Variants in KRI1 observed in about 807,000 individuals in gnomAD.
KRI1 encodes protein KRI1 homolog.
A neutral mutation model predicts 97.0 loss-of-function variants in KRI1; 83 were observed. The observed-to-expected ratio is 0.86, with a 90% CI of 0.72 to 1.03. KRI1 has a LOEUF of 1.03. Ranked by LOEUF, KRI1 falls within the 50% of genes least tolerant of loss-of-function variation. The pLI is 0.00. For missense variants in KRI1, 916 were observed against 928.4 expected (o/e 0.99, Z 0.17); for synonymous variants, 371 against 363.5 (o/e 1.02, Z -0.23).
chr19:10,563,247 G>A (rs1166576011), intron 3 of KRI1, among the ~76,000 whole-genome samples: 1 of 151,520 alleles, frequency 6.6e-6, no homozygotes, highest in South Asian at 2.1e-4. Context: ...GTAGAGATGG[G>A]GTTTCTCCAT....
chr19:10,554,400 A>AC, intron 18 of KRI1, 119 bp from the exon 19 acceptor site: 1 of 839,412 alleles, frequency 1.2e-6, no homozygotes, highest in Non-Finnish European at 1.9e-6. Flanking sequence ...CCGCACAGCG[A>AC]CCGAGGGCCT....
Position 10,561,061 on chromosome 19 carries a change from T to A in KRI1, c.605A>T (p.Tyr202Phe), listed in dbSNP as rs748831365. ...RQEKAQEEAD[Y>F]IEWLKGQKEI... ...TTTCTGTCCCTTCAGCCACTCGATGTAGTCGGCCTCCTCCTGGGCCTGGGG... is the reference window on the plus strand; with the variant it reads ...TTTCTGTCCCTTCAGCCACTCGATGAAGTCGGCCTCCTCCTGGGCCTGGGG... The change falls in exon 8 of 19, where the codon TAC becomes TTC. Residue 202 changes from tyrosine (Y) to phenylalanine (F), a missense_variant. This residue lies in a region of KRI1 where 672 missense variants were observed against 667.2 expected (regional missense o/e 1.01). Coordinates refer to ENST00000312962, the MANE Select transcript of KRI1 (RefSeq NM_023008.5). 1 of 1,614,158 alleles carries A rather than the reference T, an allele frequency of 6.2e-7. No homozygotes were observed. The highest frequency in any genetic ancestry group is 8.5e-7 in the Non-Finnish European group (1 of 1,180,012).
At chr19:10,565,500 A>G in intron 2 of KRI1, 1 of 568,020 alleles carries the variant, frequency 1.8e-6, no homozygotes, top group Non-Finnish European at 3.0e-6. Context: ...CAGAGTGGGC[A>G]GGTGGGGATC....
Position 10,561,695 on chromosome 19 carries a change from C to T in KRI1, c.460G>A (p.Val154Met), listed in dbSNP as rs746775131. Residue 154 changes from valine to methionine, a missense_variant, in exon 6 of 19, where the codon GTG becomes ATG. By Grantham distance (21) the Val-to-Met change is conservative. This residue lies in a region of KRI1 where 71 missense variants were observed against 108.1 expected (regional missense o/e 0.66). Coordinates refer to ENST00000312962, the MANE Select transcript of KRI1 (RefSeq NM_023008.5). Reference protein sequence around the residue: ...RLQETSSQSYVEEQKQLKESF... With the variant: ...RLQETSSQSYMEEQKQLKESF... ...TCCTTGAGCTGTTTCTGTTCCTCCA[C>T]ATAACTTTGCGACGATGTCTCCTGC... 2.5e-6 allele frequency: 4 copies of T among 1,614,078 alleles called. No homozygotes were observed. Among genetic ancestry groups the T allele is most frequent in the Non-Finnish European group, 3.4e-6 (4 of 1,180,004 alleles).
chr19:10,561,824 G>A lies in KRI1; in HGVS notation c.405C>T (p.Asn135=). The change falls in exon 5 of 19, where the codon AAC becomes AAT. Residue 135 remains asparagine (N), a synonymous_variant. Coordinates refer to ENST00000312962, the MANE Select transcript of KRI1 (RefSeq NM_023008.5). ...EKAGKYVDEE[N]SDGETSNHRL... ...TGTGATTGGAAGTCTCCCCGTCTGA[G>A]TTCTCCTCATCAACATATTTGCTGT... 6.2e-7 allele frequency: 1 copy of A among 1,613,886 alleles called. No individual in the cohort carries two copies. The highest frequency in any genetic ancestry group is 1.7e-5 in the Admixed American group (1 of 59,994).
Position 10,553,087 on chromosome 19 carries a change from A to G in KRI1, c.*864T>C. The G allele has an allele frequency of 6.3e-7, 1 of 1,584,988 alleles. No homozygotes were observed. Among genetic ancestry groups the G allele is most frequent in the Non-Finnish European group, 8.6e-7 (1 of 1,167,546 alleles). Reference sequence around the variant, plus strand: ...TTATAAAGGGAGGGGATGAGGGGAAAGATACAACACTATTTATTTTTTTAT... The same window carrying G: ...TTATAAAGGGAGGGGATGAGGGGAAGGATACAACACTATTTATTTTTTTAT... On this transcript the variant is annotated 3_prime_UTR_variant, in exon 19 of 19. Coordinates refer to ENST00000312962, the MANE Select transcript of KRI1 (RefSeq NM_023008.5).
chr19:10,557,797 C>G lies in KRI1; in HGVS notation c.1458G>C (p.Val486=), dbSNP rs1386150702. ...KKRKSPFAAA[V]GQEKPVFEPG... ...GTTCAAACACGGGCTTCTCCTGCCC[C>G]ACGGCCGCGGCGAAGGGCGACTTGC... The change falls in exon 15 of 19, where the codon GTG becomes GTC. Residue 486 remains valine (V), a synonymous_variant. Coordinates refer to ENST00000312962, the MANE Select transcript of KRI1 (RefSeq NM_023008.5). 2 of 1,613,376 alleles carry G rather than the reference C, an allele frequency of 1.2e-6. No individual in the cohort carries two copies. Among genetic ancestry groups the G allele is most frequent in the South Asian group, 2.2e-5 (2 of 91,080 alleles).
Position 10,560,498 on chromosome 19 carries a change from G to C in KRI1, c.664-50C>G, listed in dbSNP as rs1209399854. 5 of 1,388,610 alleles carry C rather than the reference G, an allele frequency of 3.6e-6. No homozygotes were observed. In the Admixed American group the frequency reaches 7.7e-5, roughly 21 times the overall value. 86.0% of individuals were successfully genotyped at this position (1,388,610 alleles called of 1,614,324 possible). On this transcript the variant is annotated intron_variant, in intron 8 of 18. Coordinates refer to ENST00000312962, the MANE Select transcript of KRI1 (RefSeq NM_023008.5). ...CTGGTCAATGGAGGACAGGGAAGGA[G>C]GGCAGGCATGCTCACCACATGGACC...
At chr19:10,565,495 T>C in intron 2 of KRI1, 1 of 514,168 alleles carries the variant, frequency 1.9e-6, no homozygotes, top group South Asian at 2.3e-5. Context: ...CACATCAGAG[T>C]GGGCAGGTGG....
At chr19:10,561,914 G>T in intron 4 of KRI1, 69 bp from the exon 5 acceptor site, 1 of 1,442,658 alleles carries the variant, frequency 6.9e-7, no homozygotes, top group Non-Finnish European at 9.7e-7. Context: ...CCCATGCGGA[G>T]CAGCTATTCC....
chr19:10,564,821 G>A, intron 3 of KRI1, 108 bp downstream of exon 3: 1 of 780,492 alleles, frequency 1.3e-6, no homozygotes, highest in South Asian at 1.4e-5. Flanking sequence ...TTACAGACAG[G>A]AAAAGAGGCT....
chr19:10,561,357 A>C lies in KRI1; in HGVS notation c.489-92T>G, dbSNP rs1309009542. The C allele has an allele frequency of 4.2e-6, 5 of 1,183,822 alleles. No individual in the cohort carries two copies. In the Admixed American group the frequency reaches 9.6e-5, roughly 23 times the overall value. 73.3% of individuals were successfully genotyped at this position (1,183,822 alleles called of 1,614,324 possible). On this transcript the variant is annotated intron_variant, in intron 6 of 18. Transcript: ENST00000312962. Reference sequence around the variant, plus strand: ...TTTTATTTTGTAGAGCTGGGGTCTCACTATGTTGCCCAGGCTGATCTTGAA... The same window carrying C: ...TTTTATTTTGTAGAGCTGGGGTCTCCCTATGTTGCCCAGGCTGATCTTGAA...
At chr19:10,561,549 A>T (rs1916697817) in intron 6 of KRI1, 118 bp downstream of exon 6, 9 of 1,024,032 alleles carry the variant, frequency 8.8e-6, no homozygotes, top group Non-Finnish European at 1.2e-5. Flanking sequence ...AACCCCGTTT[A>T]ACTGATGAGG....
At chr19:10,565,825 C>G in intron 1 of KRI1, 35 bp from the exon 2 acceptor site, 2 of 1,539,814 alleles carry the variant, frequency 1.3e-6, no homozygotes, top group African/African-American at 2.9e-5. Context: ...CCCCCCAGGT[C>G]AGCCGGCGGG....
intron 16 of KRI1, among the ~76,000 whole-genome samples, chr19:10,556,093 G>A (rs140387089): frequency 0.011 from 1,664 of 152,270 alleles, 13 homozygotes; most frequent in Non-Finnish European, 0.018. Flanking sequence ...CTTTTGTTGA[G>A]ACAGGGTCTC....
At chr19:10,554,978 G>T in intron 18 of KRI1, 109 bp downstream of exon 18, 2 of 838,924 alleles carry the variant, frequency 2.4e-6, no homozygotes, top group South Asian at 1.7e-5. Flanking sequence ...GTCTCAGAGC[G>T]GGGGGCGCTG....
rs1232014303 is a variant in KRI1, at chr19:10,565,988, C to T, written c.12G>A (p.Pro4=). 6 of 1,522,352 alleles carry T rather than the reference C, an allele frequency of 3.9e-6. No individual in the cohort carries two copies. The South Asian group carries it at 6.1e-5, about 15-fold the overall frequency. The allele number at this position is 1,522,352 out of a possible 1,614,324, so 94.3% of individuals were successfully genotyped here. A position where few individuals can be genotyped will look rare whatever the true frequency, so the allele number is the denominator to read the frequency against. Residue 4 remains proline, a synonymous_variant, in exon 1 of 19, where the codon CCG becomes CCA. Coordinates refer to ENST00000312962, the MANE Select transcript of KRI1 (RefSeq NM_023008.5). ...TCACCCGCAGCTGCGACGACCCGCGCGGTTCCGGCATGGCGGTTCTGTGGC... is the reference window on the plus strand; with the variant it reads ...TCACCCGCAGCTGCGACGACCCGCGTGGTTCCGGCATGGCGGTTCTGTGGC... MPE[P]RGSSQLRVNA... is the part of the protein sequence containing the mutation.
At chr19:10,565,276 G>C (rs139561330) in intron 2 of KRI1, 2 of 567,998 alleles carry the variant, frequency 3.5e-6, no homozygotes, top group African/African-American at 3.8e-5. Context: ...AATTCCTGGG[G>C]AAGACAAAGA....
Position 10,559,872 on chromosome 19 carries a change from T to C in KRI1, c.865A>G (p.Lys289Glu). 6.2e-7 allele frequency: 1 copy of C among 1,613,680 alleles called. No homozygotes were observed. The highest frequency in any genetic ancestry group is 8.5e-7 in the Non-Finnish European group (1 of 1,179,910). ...TTCTGTTCAAAGTCCTCCTGTTTCT[T>C]CAGAAACAGCTCCCCTTCGTCTGAG... ...DSSDEGELFL[K>E]KQEDFEQKYN... The change falls in exon 10 of 19, where the codon AAG becomes GAG. Residue 289 changes from lysine (K) to glutamate (E), a missense_variant. By Grantham distance (56) the Lys-to-Glu change is moderately conservative (BLOSUM62 1). Coordinates refer to ENST00000312962, the MANE Select transcript of KRI1 (RefSeq NM_023008.5).
Sources: gnomAD v4.1 joint callset for allele counts (sites outside exome capture counted in the v4.1 genomes callset) on GRCh38, gnomAD v4.1.1 for gene constraint, gnomAD v4.1.1 regional missense constraint, MANE v1.5 for transcripts, NCBI Gene and HGNC (gene_info 2026-07-23, HGNC 2026-07-21) for gene names.